The following NCOA3 variants were observed in gnomAD, a reference collection of about 807,000 sequenced individuals.
NCOA3 encodes nuclear receptor coactivator 3.
NCOA3 carries 51 observed loss-of-function variants against 158.8 expected under a neutral mutation model. The ratio of observed to expected loss-of-function variants is 0.32; its 90% CI spans 0.26 to 0.41. The LOEUF is 0.41. Ranked by LOEUF, NCOA3 falls within the 10% of genes least tolerant of loss-of-function variation. NCOA3 has a pLI of 1.00. For synonymous variants in NCOA3, 537 were observed against 592.4 expected, an observed-to-expected ratio of 0.91 and a Z score of 1.36; for missense variants, 1,510 against 1,746.6, an observed-to-expected ratio of 0.86 and a Z score of 2.41.
chr20:47,654,152 G>A lies in NCOA3; in HGVS notation c.*735G>A, dbSNP rs1444177379. ...GAGTGCACTTTATTTAAAAAGAATG[G>A]ATAAATGCAATATTCTTGAGGTCTT... is the stretch of plus-strand genomic sequence containing the variant. On this transcript the variant is annotated 3_prime_UTR_variant, in exon 23 of 23. Transcript: ENST00000371998. 5.2e-5 allele frequency: 8 copies of A among 152,620 alleles called. No homozygotes were observed. Among genetic ancestry groups the A allele is most frequent in the Non-Finnish European group, 1.2e-4 (8 of 68,038 alleles). 9.5% of individuals were successfully genotyped at this position (152,620 alleles called of 1,614,324 possible).
rs6018524 is a variant in NCOA3, at chr20:47,515,928, G to A, written c.-99+13909G>A. Among the ~76,000 whole-genome samples, 1,106 of 152,286 alleles carry A rather than the reference G, an allele frequency of 7.3e-3. 22 individuals carry two copies. The highest frequency in any genetic ancestry group is 0.025 in the African/African-American group (1,048 of 41,560). The stretch of plus-strand genomic sequence containing the variant: ...TTTAAGTTTTCACTTAGTGAAAGAA[G>A]CCAATTTGGAAAGGCCACATACTGT... On this transcript the variant is annotated intron_variant, in intron 1 of 22. Coordinates refer to ENST00000371998, the MANE Select transcript of NCOA3 (RefSeq NM_181659.3).
chr20:47,649,055 T>C lies in NCOA3; in HGVS notation c.3597T>C (p.Thr1199=), dbSNP rs1398150934. 3.7e-6 allele frequency: 6 copies of C among 1,614,086 alleles called. No homozygotes were observed. The South Asian group carries it at 5.5e-5, about 15-fold the overall frequency. ...TTGAATTGAAAATGGAAAACCCTACTGCTGGTGGTGCTGCGGTGATGAGGC... is the reference window on the plus strand; with the variant it reads ...TTGAATTGAAAATGGAAAACCCTACCGCTGGTGGTGCTGCGGTGATGAGGC... ...QALELKMENP[T]AGGAAVMRPM... The change falls in exon 19 of 23, where the codon ACT becomes ACC. Residue 1199 remains threonine, a synonymous_variant. Coordinates refer to ENST00000371998, the MANE Select transcript of NCOA3 (RefSeq NM_181659.3).
chr20:47,521,735 A>G (rs921311540), intron 1 of NCOA3, among the ~76,000 whole-genome samples: 12 of 152,222 alleles, frequency 7.9e-5, no homozygotes, highest in Admixed American at 6.5e-4. Context: ...AGAATTGAAC[A>G]TACTGACATA....
chr20:47,638,900 T>G, intron 13 of NCOA3, 108 bp from the exon 14 acceptor site: 1 of 913,684 alleles, frequency 1.1e-6, no homozygotes, highest in Non-Finnish European at 1.6e-6. Context: ...AGTGTTTGTT[T>G]TTGTAAGAAA....
intron 1 of NCOA3, among the ~76,000 whole-genome samples, chr20:47,547,237 AAC>A (rs1406348281): frequency 6.6e-6 from 1 of 152,108 alleles, no homozygotes; most frequent in African/African-American, 2.4e-5. Context: ...CGAGTGAATA[AAC>A]ACACTCTGTA....
intron 1 of NCOA3, among the ~76,000 whole-genome samples, chr20:47,562,844 CCTT>C (rs1217535094): frequency 3.9e-5 from 6 of 152,012 alleles, no homozygotes; most frequent in African/African-American, 1.4e-4. Flanking sequence ...ATCTCTGTAT[CCTT>C]CTTTTACATG....
At chr20:47,562,263 A>G (rs1038559755) in intron 1 of NCOA3, among the ~76,000 whole-genome samples, 1 of 152,194 alleles carries the variant, frequency 6.6e-6, no homozygotes, top group African/African-American at 2.4e-5. Flanking sequence ...ACTTTGGGTA[A>G]AACACCAAGG....
At chr20:47,577,092 A>G (rs1276076228) in intron 1 of NCOA3, among the ~76,000 whole-genome samples, 1 of 152,248 alleles carries the variant, frequency 6.6e-6, no homozygotes, top group Non-Finnish European at 1.5e-5. Flanking sequence ...AAAAAAATTT[A>G]GGCTAGTTTA....
chr20:47,595,354 T>C (rs944436977), intron 2 of NCOA3, among the ~76,000 whole-genome samples: 3 of 151,830 alleles, frequency 2.0e-5, no homozygotes, highest in Non-Finnish European at 4.4e-5. Context: ...CGCCTTGGCC[T>C]ACCAAAGTGT....
In NCOA3 at chr20:47,651,283, C is replaced by G; in HGVS notation, c.3946+7C>G. 1.9e-6 allele frequency: 3 copies of G among 1,593,904 alleles called. No individual in the cohort carries two copies. Among genetic ancestry groups the G allele is most frequent in the Non-Finnish European group, 2.6e-6 (3 of 1,165,918 alleles). ...CCATATCAACCAAATTATGGTAAAT[C>G]TGACAATGAAAATGTGCCTTCCCCA... On this transcript the variant is annotated splice_region_variant and intron_variant, in intron 20 of 22. Transcript: ENST00000371998.
intron 3 of NCOA3, among the ~76,000 whole-genome samples, 168 bp downstream of exon 3, chr20:47,622,498 GT>G (rs72645239): frequency 5.4e-5 from 8 of 149,304 alleles, no homozygotes; most frequent in South Asian, 2.1e-4. Context: ...TGTAATAGAA[GT>G]TTTTTTTTTA....
intron 1 of NCOA3, among the ~76,000 whole-genome samples, chr20:47,541,069 A>G (rs1477408903): frequency 6.6e-6 from 1 of 152,020 alleles, no homozygotes; most frequent in Non-Finnish European, 1.5e-5. Flanking sequence ...TGCTTTCTAC[A>G]TGTATTTGCT....
At position 47,639,186 on chromosome 20, in the gene NCOA3, T is replaced by G; in HGVS notation, c.2691T>G (p.Asn897Lys). 6.2e-7 allele frequency: 1 copy of G among 1,613,718 alleles called. No individual in the cohort carries two copies. Among genetic ancestry groups the G allele is most frequent in the Non-Finnish European group, 8.5e-7 (1 of 1,179,680 alleles). ...CAAGAATGATGGATAGTCAGGAAAATTATGGCTCAAGTATGGGTACGTTAT... is the reference window on the plus strand; with the variant it reads ...CAAGAATGATGGATAGTCAGGAAAAGTATGGCTCAAGTATGGGTACGTTAT... ...GNPRMMDSQE[N>K]YGSSMGGPNR... Residue 897 changes from asparagine to lysine, a missense_variant, in exon 14 of 23, where the codon AAT (asparagine) becomes AAG (lysine). Coordinates refer to ENST00000371998, the MANE Select transcript of NCOA3 (RefSeq NM_181659.3).
intron 2 of NCOA3, among the ~76,000 whole-genome samples, chr20:47,598,554 C>G (rs2085802568): frequency 6.6e-6 from 1 of 152,088 alleles, no homozygotes; most frequent in Non-Finnish European, 1.5e-5. Flanking sequence ...CCAAGCTGGT[C>G]TCGAACTCCT....
intron 10 of NCOA3, among the ~76,000 whole-genome samples, chr20:47,634,831 AAAGTT>A (rs2086481283): frequency 6.6e-6 from 1 of 152,182 alleles, no homozygotes; most frequent in African/African-American, 2.4e-5. Flanking sequence ...TGCTGCCTAA[AAAGTT>A]AAGTTCCTGG....
At chr20:47,605,722 C>G (rs1309697316) in intron 2 of NCOA3, among the ~76,000 whole-genome samples, 1 of 152,090 alleles carries the variant, frequency 6.6e-6, no homozygotes, top group Non-Finnish European at 1.5e-5. Context: ...TTTATATTTC[C>G]CCTCTGTCAT....
At chr20:47,545,169 A>T (rs1602379589) in intron 1 of NCOA3, among the ~76,000 whole-genome samples, 3 of 119,562 alleles carry the variant, frequency 2.5e-5, no homozygotes, top group Admixed American at 1.0e-4. Context: ...TTAGATATCC[A>T]TAGGATTTTT....
chr20:47,519,459 T>C (rs924965810), intron 1 of NCOA3, among the ~76,000 whole-genome samples: 8 of 152,032 alleles, frequency 5.3e-5, no homozygotes, highest in Non-Finnish European at 1.0e-4. Flanking sequence ...TTTTTAGTTT[T>C]GGTGTTCTGG....
chr20:47,578,050 C>A (rs1356769735), intron 1 of NCOA3, among the ~76,000 whole-genome samples: 3 of 151,986 alleles, frequency 2.0e-5, no homozygotes, highest in East Asian at 3.8e-4. Context: ...AAATGTCTTA[C>A]CAATGTTCTC....
Sources: gnomAD v4.1 joint callset for allele counts (sites outside exome capture counted in the v4.1 genomes callset) on GRCh38, gnomAD v4.1.1 for gene constraint, MANE v1.5 for transcripts, NCBI Gene and HGNC (gene_info 2026-07-23, HGNC 2026-07-21) for gene names.